The following MAGI2 variants were observed in gnomAD, a reference collection of about 807,000 sequenced individuals.
The protein encoded by MAGI2 is membrane-associated guanylate kinase, WW and PDZ domain-containing protein 2.
A neutral mutation model predicts 133.3 loss-of-function variants in MAGI2; 35 were observed. The ratio of observed to expected loss-of-function variants is 0.26; its 90% CI spans 0.20 to 0.35. The LOEUF (loss-of-function observed/expected upper bound fraction) is 0.35, where lower values mean the gene tolerates loss of function less well. MAGI2 is among the 10% of genes least tolerant of loss of function. The probability of loss-of-function intolerance (pLI) is 1.00; values close to 1 mark genes in which losing one functional copy is unlikely to be tolerated. For missense variants in MAGI2, 1,636 were observed against 1,863.4 expected (o/e 0.88, Z 2.25); for synonymous variants, 729 against 710.6 (o/e 1.03, Z -0.41).
At chr7:78,597,800 A>C (rs1490313275) in intron 3 of MAGI2, among the ~76,000 whole-genome samples, 1 of 152,010 alleles carries the variant, frequency 6.6e-6, no homozygotes, top group Non-Finnish European at 1.5e-5. Context: ...TATCTTTACA[A>C]GGTTTCTTAT....
chr7:78,029,841 T>C (rs1178187680), intron 21 of MAGI2, among the ~76,000 whole-genome samples: 1 of 152,182 alleles, frequency 6.6e-6, no homozygotes, highest in African/African-American at 2.4e-5. Context: ...GAGTTAAGAC[T>C]CCAAAGAAGG....
At chr7:79,007,235 G>C (rs373394214) in intron 1 of MAGI2, 29 bp from the exon 2 acceptor site, 127 of 1,324,648 alleles carry the variant, frequency 9.6e-5, no homozygotes, top group Non-Finnish European at 1.3e-4. Context: ...TCTTGGTAAG[G>C]GATGTTGGAA....
intron 20 of MAGI2, among the ~76,000 whole-genome samples, chr7:78,094,815 A>G (rs1417697433): frequency 6.6e-6 from 1 of 152,200 alleles, no homozygotes; most frequent in Non-Finnish European, 1.5e-5. Context: ...AATCTATTAA[A>G]GTCTAGCACA....
chr7:78,207,764 G>A (rs1787249758), intron 10 of MAGI2, among the ~76,000 whole-genome samples: 2 of 152,118 alleles, frequency 1.3e-5, no homozygotes, highest in African/African-American at 4.8e-5. Context: ...ACACACTACT[G>A]CCAGTACTCA....
intron 1 of MAGI2, among the ~76,000 whole-genome samples, chr7:79,117,703 C>G (rs577075039): frequency 3.3e-5 from 5 of 152,232 alleles, no homozygotes; most frequent in African/African-American, 1.2e-4. Flanking sequence ...ATGGCTAGTG[C>G]TAACTTACAC....
intron 2 of MAGI2, among the ~76,000 whole-genome samples, chr7:78,749,848 T>C (rs1473435097): frequency 1.3e-5 from 2 of 152,190 alleles, no homozygotes; most frequent in Non-Finnish European, 2.9e-5. Context: ...TTGATTTATA[T>C]AAACAATTTT....
intron 8 of MAGI2, 50 bp downstream of exon 8, chr7:78,345,872 T>C (rs374545281): frequency 2.6e-5 from 41 of 1,603,814 alleles, no homozygotes; most frequent in Non-Finnish European, 3.4e-5. Flanking sequence ...AGCAGGCAGT[T>C]TGACAGACAA....
chr7:78,973,978 A>G (rs992892539), intron 2 of MAGI2, among the ~76,000 whole-genome samples: 1 of 151,848 alleles, frequency 6.6e-6, no homozygotes, highest in Non-Finnish European at 1.5e-5. Flanking sequence ...AATGCTAACT[A>G]CATCAAGCCC....
chr7:78,315,746 C>G (rs536304704), intron 9 of MAGI2, among the ~76,000 whole-genome samples: 32 of 152,104 alleles, frequency 2.1e-4, no homozygotes, highest in Admixed American at 2.1e-3. Context: ...CTTTACTGTT[C>G]CATTTCAACC....
chr7:78,895,282 G>A (rs1265958856), intron 2 of MAGI2, among the ~76,000 whole-genome samples: 1 of 152,156 alleles, frequency 6.6e-6, no homozygotes, highest in African/African-American at 2.4e-5. Context: ...GCTCTCACCA[G>A]ATGTGATATC....
chr7:79,028,301 A>G (rs1268499922), intron 1 of MAGI2, among the ~76,000 whole-genome samples: 5 of 100,526 alleles, frequency 5.0e-5, no homozygotes, highest in African/African-American at 1.9e-4. Flanking sequence ...ATGTGTGTAT[A>G]TATATATATA....
In MAGI2 at chr7:79,286,370, A is replaced by G. The variant is rs187885578; in HGVS notation, c.301+166650T>C. Among the ~76,000 whole-genome samples the G allele has an allele frequency of 2.0e-5, 3 of 152,188 alleles. No homozygotes were observed. The East Asian group carries it at 5.8e-4, about 29-fold the overall frequency. ...GGGAGACCTAGCTAGGTTCAGAGAG[A>G]CTTGACAAAGTGCCCAGGTTCATTC... On this transcript the variant is annotated intron_variant, in intron 1 of 21. Coordinates refer to ENST00000354212, the MANE Select transcript of MAGI2 (RefSeq NM_012301.4).
intron 1 of MAGI2, among the ~76,000 whole-genome samples, chr7:79,244,795 G>T (rs1009813902): frequency 6.6e-6 from 1 of 152,154 alleles, no homozygotes; most frequent in Admixed American, 6.5e-5. Context: ...AGGAGTGCTT[G>T]TGCCACCCCT....
chr7:78,491,871 T>TTGTGTGTGTGTGTG (rs10598552), intron 5 of MAGI2, among the ~76,000 whole-genome samples: 3 of 141,108 alleles, frequency 2.1e-5, no homozygotes, highest in African/African-American at 7.8e-5. Context: ...TCCGTTCAAA[T>TTGTGTGTGTGTGTG]TGTGTGTGTG....
At chr7:78,396,786 T>C (rs900783516) in intron 6 of MAGI2, among the ~76,000 whole-genome samples, 1 of 152,164 alleles carries the variant, frequency 6.6e-6, no homozygotes, top group Non-Finnish European at 1.5e-5. Flanking sequence ...GAGGGTGATG[T>C]GATGTCTGAA....
chr7:78,761,735 G>A (rs1406952454), intron 2 of MAGI2, among the ~76,000 whole-genome samples: 4 of 152,100 alleles, frequency 2.6e-5, no homozygotes, highest in Non-Finnish European at 4.4e-5. Flanking sequence ...TGGGATTACA[G>A]GTGTGAGCCA....
intron 2 of MAGI2, among the ~76,000 whole-genome samples, chr7:78,802,665 T>C (rs1788173555): frequency 6.6e-6 from 1 of 152,166 alleles, no homozygotes; most frequent in Non-Finnish European, 1.5e-5. Context: ...TGACCATGAA[T>C]GACATCCTGT....
At chr7:79,267,382 C>T (rs942611555) in intron 1 of MAGI2, among the ~76,000 whole-genome samples, 1 of 152,144 alleles carries the variant, frequency 6.6e-6, no homozygotes, top group African/African-American at 2.4e-5. Flanking sequence ...GCCTCTCTGA[C>T]CCAGCCTCTT....
chr7:79,401,103 G>A (rs1052583038), intron 1 of MAGI2, among the ~76,000 whole-genome samples: 9 of 152,064 alleles, frequency 5.9e-5, no homozygotes, highest in Non-Finnish European at 1.0e-4. Flanking sequence ...ATTCTTCACA[G>A]AGTATTATGC....
Sources: allele counts gnomAD v4.1 joint callset (sites outside exome capture counted in the v4.1 genomes callset), GRCh38; gene constraint gnomAD v4.1.1; transcripts MANE v1.5; gene names NCBI Gene and HGNC (gene_info 2026-07-23, HGNC 2026-07-21).